The following POMT1 variants were observed in gnomAD, a reference collection of about 807,000 sequenced individuals.
The protein encoded by POMT1 is protein O-mannosyl-transferase 1.
A neutral mutation model predicts 101.6 loss-of-function variants in POMT1; 85 were observed. The observed-to-expected ratio is 0.84, with a 90% confidence interval of 0.70 to 1.00. The LOEUF is 1.00. Ranked by LOEUF, POMT1 falls within the 50% of genes least tolerant of loss-of-function variation. The pLI is 0.00. For missense variants in POMT1, 857 were observed against 930.4 expected (o/e 0.92, Z 1.03); for synonymous variants, 371 against 383.0 (o/e 0.97, Z 0.37).
At chr9:131,504,580 G>A (rs924559417) in intron 2 of POMT1, among the ~76,000 whole-genome samples, 11 of 152,104 alleles carry the variant, frequency 7.2e-5, no homozygotes, top group African/African-American at 2.7e-4. Context: ...GTGCAGTAGA[G>A]GAAAATCTGG....
rs149204054 is a variant in POMT1, at chr9:131,509,147, G to A, written c.539+125G>A. ...AGACAGTACCTTTTCATTTTGAGGA[G>A]TTGCTTGCTAAATATCTTTTTTTTT... On this transcript the variant is annotated intron_variant, in intron 6 of 19. Transcript: ENST00000402686. 1,004 of 725,984 alleles carry A rather than the reference G, an allele frequency of 1.4e-3. 4 individuals are homozygous for A. The highest frequency in any genetic ancestry group is 2.2e-3 in the Non-Finnish European group (926 of 415,348). 45.0% of individuals were successfully genotyped at this position (725,984 alleles called of 1,614,324 possible). A position where few individuals can be genotyped will look rare whatever the true frequency, so the allele number is the denominator to read the frequency against.
intron 13 of POMT1, chr9:131,516,780 T>C (rs1257588222): frequency 1.3e-5 from 2 of 152,246 alleles, no homozygotes; most frequent in African/African-American, 4.8e-5. Context: ...CAGGAGCAGG[T>C]CCTGAACACA....
rs1378017264 is a variant in POMT1 at position 131,511,932 on chromosome 9, A to G, written c.987-109A>G. On this transcript the variant is annotated intron_variant, in intron 10 of 19. Transcript: ENST00000402686. ...CACTATGTTGCCCAGGCTGGTCTCAAACTCCTGGGCTCAAGCAGTTATCCT... is the reference window on the plus strand; with the variant it reads ...CACTATGTTGCCCAGGCTGGTCTCAGACTCCTGGGCTCAAGCAGTTATCCT... 9.4e-6 allele frequency: 11 copies of G among 1,166,392 alleles called. No homozygotes were observed. The East Asian group carries it at 2.7e-4, about 28-fold the overall frequency. The allele number at this position is 1,166,392 out of a possible 1,614,324, so 72.3% of individuals were successfully genotyped here.
At chr9:131,516,296 A>ACACTTCCTCACACGGAG (rs1948595649) in intron 13 of POMT1, among the ~76,000 whole-genome samples, 6 of 56,714 alleles carry the variant, frequency 1.1e-4, no homozygotes, top group South Asian at 9.5e-4. Context: ...CTCACACGGA[A>ACACTTCCTCACACGGAG]CACTTCCTCA....
At position 131,522,498 on chromosome 9, in the gene POMT1, C is replaced by T. The variant is rs149418678; in HGVS notation, c.2003+274C>T. 156 of 626,148 alleles carry T rather than the reference C, an allele frequency of 2.5e-4. 1 individual carries two copies. The African/African-American group carries it at 2.5e-3, about 10-fold the overall frequency. The allele number at this position is 626,148 out of a possible 1,614,324, so 38.8% of individuals were successfully genotyped here. A position where few individuals can be genotyped will look rare whatever the true frequency, so the allele number is the denominator to read the frequency against. ...AGAGATGTGGGTGGCCTGGAGGATT[C>T]GGGAGCAGGGAGCAAGGCCCAGGAG... is the stretch of plus-strand genomic sequence containing the variant. On this transcript the variant is annotated intron_variant, in intron 19 of 19. Transcript: ENST00000402686. This position sits in a 1 kb window ranked among gnomAD's most constrained non-coding sequence, Gnocchi z 5.5.
chr9:131,523,051 A>T lies in POMT1; in HGVS notation c.2123A>T (p.Glu708Val), dbSNP rs975505270. The change falls in exon 20 of 20, where the codon GAA becomes GTA. Residue 708 changes from glutamate to valine, a missense_variant. Transcript: ENST00000402686. Reference sequence around the variant, plus strand: ...GGGGACAAGTCACTCTCGCCACATGAACTCAAGGCCCTTCGCTGGAAAGAC... The same window carrying T: ...GGGGACAAGTCACTCTCGCCACATGTACTCAAGGCCCTTCGCTGGAAAGAC... ...TYGDKSLSPH[E>V]LKALRWKDSW... 3 of 1,611,466 alleles carry T rather than the reference A, an allele frequency of 1.9e-6. No homozygotes were observed. Among genetic ancestry groups the T allele is most frequent in the Non-Finnish European group, 2.5e-6 (3 of 1,179,894 alleles).
Position 131,505,297 on chromosome 9 carries a change from A to T in POMT1, c.123-817A>T, listed in dbSNP as rs58843509. Among the ~76,000 whole-genome samples the T allele has an allele frequency of 4.9e-3, 668 of 137,512 alleles. 10 individuals carry two copies. Among genetic ancestry groups the T allele is most frequent in the African/African-American group, 0.017 (634 of 36,924 alleles). 90.2% of individuals were successfully genotyped at this position (137,512 alleles called of 152,430 possible). ...AGCGGTATATCTGTAAAAGATGAGGATTTTTTTTTTTTTTTTGGAGACATA... is the reference window on the plus strand; with the variant it reads ...AGCGGTATATCTGTAAAAGATGAGGTTTTTTTTTTTTTTTTTGGAGACATA... On this transcript the variant is annotated intron_variant, in intron 2 of 19. Coordinates refer to ENST00000402686, the MANE Select transcript of POMT1 (RefSeq NM_001077365.2).
rs1949370413 is a variant in POMT1, at chr9:131,519,094, T to G, written c.1486+137T>G. 7.3e-7 allele frequency: 1 copy of G among 1,377,160 alleles called. No individual in the cohort carries two copies. 85.3% of individuals were successfully genotyped at this position (1,377,160 alleles called of 1,614,324 possible). A position where few individuals can be genotyped will look rare whatever the true frequency, so the allele number is the denominator to read the frequency against. On this transcript the variant is annotated intron_variant, in intron 15 of 19. Coordinates refer to ENST00000402686, the MANE Select transcript of POMT1 (RefSeq NM_001077365.2). The surrounding 1 kb of genome is among the most constrained non-coding windows in gnomAD (Gnocchi z 4.3). ...CATGCTCGGTGGCAGGTCATCTCCC[T>G]CCCTGCACCCTGCACTCAGCTGCTG...
rs747102545 is a variant in POMT1 at position 131,504,302 on chromosome 9, G to T, written c.84G>T (p.Leu28=). ...TGGCCCTGACTGGGATGGGGTTACT[G>T]AGCCGGCTGTGGCGACTCACCTACC... is the stretch of plus-strand genomic sequence containing the variant. The part of the protein sequence containing the change: ...SLVALTGMGL[L]SRLWRLTYPR... The change falls in exon 2 of 20, where the codon CTG becomes CTT. Residue 28 remains leucine (L), a synonymous_variant. Transcript: ENST00000402686. The T allele has an allele frequency of 6.2e-7, 1 of 1,614,098 alleles. No homozygotes were observed. Among genetic ancestry groups the T allele is most frequent in the African/African-American group, 1.3e-5 (1 of 74,918 alleles).
Position 131,519,391 on chromosome 9 carries a change from CAGGAGCAGA to C in POMT1, c.1490_1498del (p.Gln497_Gln499del), listed in dbSNP as rs763262424. Reference sequence around the variant, plus strand: ...TATGCCCTTGTCTGTTCTGCCAGGCCAGGAGCAGAGGGAGCGGGAACGGGAGCTGCACTC... The same window carrying C: ...TATGCCCTTGTCTGTTCTGCCAGGCCGGGAGCGGGAACGGGAGCTGCACTC... On this transcript the variant is annotated inframe_deletion, in exon 16 of 20. Coordinates refer to ENST00000402686, the MANE Select transcript of POMT1 (RefSeq NM_001077365.2). The surrounding 1 kb of genome is among the most constrained non-coding windows in gnomAD (Gnocchi z 4.3). 3 of 1,551,614 alleles carry C rather than the reference CAGGAGCAGA, an allele frequency of 1.9e-6. No individual in the cohort carries two copies. Among genetic ancestry groups the C allele is most frequent in the African/African-American group, 1.4e-5 (1 of 73,090 alleles).
chr9:131,512,131 C>T lies in POMT1; in HGVS notation c.1077C>T (p.Pro359=). ...ATAACTGGTGGATTGTAAAGGATCC[C>T]AGGAGGTGAGTGCAGGTCCTGTGAC... is the stretch of plus-strand genomic sequence containing the variant. The part of the protein sequence containing the change: ...DVNNWWIVKD[P]RRHQLVVSSP... The change falls in exon 11 of 20, where the codon CCC becomes CCT. Residue 359 remains proline (P), a synonymous_variant. Transcript: ENST00000402686. 1 of 1,613,946 alleles carries T rather than the reference C, an allele frequency of 6.2e-7. No individual in the cohort carries two copies. Among genetic ancestry groups the T allele is most frequent in the Non-Finnish European group, 8.5e-7 (1 of 1,179,950 alleles).
Position 131,503,857 on chromosome 9 carries a change from G to A in POMT1, c.-30-332G>A, listed in dbSNP as rs2131547877. On this transcript the variant is annotated intron_variant, in intron 1 of 19. Coordinates refer to ENST00000402686, the MANE Select transcript of POMT1 (RefSeq NM_001077365.2). This position sits in a 1 kb window ranked among gnomAD's most constrained non-coding sequence, Gnocchi z 4.4. ...GGTCAGGTAGCTGTGGCCGCACTGT[G>A]GGCTTCTGGTCGTCGGGGAGGGAGG... 6.6e-6 allele frequency among the ~76,000 whole-genome samples: 1 copy of A among 152,272 alleles called. No individual in the cohort carries two copies.
Position 131,514,124 on chromosome 9 carries a change from C to A in POMT1, c.1175+793C>A, listed in dbSNP as rs1056465641. ...CCATTGGGAGATCCTGTTTCTCAAC[C>A]TTCAGAACCAGCCCTGGGTAGGGGT... On this transcript the variant is annotated intron_variant, in intron 12 of 19. Coordinates refer to ENST00000402686, the MANE Select transcript of POMT1 (RefSeq NM_001077365.2). 1.4e-4 allele frequency among the ~76,000 whole-genome samples: 22 copies of A among 152,330 alleles called. No individual in the cohort carries two copies. The South Asian group carries it at 3.3e-3, about 23-fold the overall frequency.
chr9:131,516,931 G>C (rs1342782682), intron 13 of POMT1: 1 of 152,260 alleles, frequency 6.6e-6, no homozygotes, highest in Admixed American at 6.5e-5. Context: ...TCCTTCCAGC[G>C]ACCAGGGCCA....
At chr9:131,514,308 A>AC (rs1438673042) in intron 12 of POMT1, among the ~76,000 whole-genome samples, 1 of 150,316 alleles carries the variant, frequency 6.7e-6, no homozygotes, top group Non-Finnish European at 1.5e-5. Context: ...GACACACTTC[A>AC]CCCCCGCCAC....
In POMT1 at chr9:131,522,363, G is replaced by C; in HGVS notation, c.2003+139G>C. 3.4e-6 allele frequency: 5 copies of C among 1,490,676 alleles called. No individual in the cohort carries two copies. The highest frequency in any genetic ancestry group is 4.5e-6 in the Non-Finnish European group (5 of 1,116,042). 92.3% of individuals were successfully genotyped at this position (1,490,676 alleles called of 1,614,324 possible). On this transcript the variant is annotated intron_variant, in intron 19 of 19. Coordinates refer to ENST00000402686, the MANE Select transcript of POMT1 (RefSeq NM_001077365.2). This position sits in a 1 kb window ranked among gnomAD's most constrained non-coding sequence, Gnocchi z 5.5. ...CATCCTCCGGGTCCCTCCGGGGAATGGGTGAGGTTCAGAAGAGATGCCCAG... is the reference window on the plus strand; with the variant it reads ...CATCCTCCGGGTCCCTCCGGGGAATCGGTGAGGTTCAGAAGAGATGCCCAG...
chr9:131,509,019 A>G lies in POMT1; in HGVS notation c.536A>G (p.His179Arg), dbSNP rs1334960286. 5.0e-6 allele frequency: 8 copies of G among 1,599,876 alleles called. No individual in the cohort carries two copies. Among genetic ancestry groups the G allele is most frequent in the Non-Finnish European group, 6.9e-6 (8 of 1,167,126 alleles). Residue 179 changes from histidine to arginine, a missense_variant, in exon 6 of 20, where the codon CAC (histidine) becomes CGC (arginine). Coordinates refer to ENST00000402686, the MANE Select transcript of POMT1 (RefSeq NM_001077365.2). ...CTGAAGTTCTTCAACTGCCAAAAGCACAGGTATGGAAAATGGAGTGTCTTC... is the reference window on the plus strand; with the variant it reads ...CTGAAGTTCTTCAACTGCCAAAAGCGCAGGTATGGAAAATGGAGTGTCTTC... The part of the protein sequence containing the change: ...SYLKFFNCQK[H>R]SPFSLSWWFW...
chr9:131,521,865 G>A (rs1202601732), intron 18 of POMT1, among the ~76,000 whole-genome samples, 182 bp from the exon 19 acceptor site: 1 of 152,174 alleles, frequency 6.6e-6, no homozygotes, highest in Non-Finnish European at 1.5e-5. Flanking sequence ...GGCCGGGCGC[G>A]GTGGCTTACA....
chr9:131,517,837 G>A (rs1051447863), intron 13 of POMT1, among the ~76,000 whole-genome samples: 13 of 152,236 alleles, frequency 8.5e-5, no homozygotes, highest in Non-Finnish European at 1.2e-4. Context: ...CGCCCGGCCT[G>A]CGGCATGGAC....
Sources: allele counts gnomAD v4.1 joint callset (sites outside exome capture counted in the v4.1 genomes callset), GRCh38; gene constraint gnomAD v4.1.1; non-coding constraint Gnocchi (gnomAD v3.1); transcripts MANE v1.5; gene names NCBI Gene and HGNC (gene_info 2026-07-23, HGNC 2026-07-21).